The following MYO16 variants were observed in gnomAD, a reference collection of about 807,000 sequenced individuals.
MYO16 encodes the protein myosin XVI.
In MYO16, 94 loss-of-function variants were observed where a neutral mutation model predicts 205.3. That is an observed-to-expected ratio of 0.46 (90% CI 0.39 to 0.54). MYO16 has a LOEUF of 0.54. Ranked by LOEUF, MYO16 falls within the 20% of genes least tolerant of loss-of-function variation. The pLI is 0.00. For missense variants in MYO16, 2,315 were observed against 2,387.5 expected (o/e 0.97, Z 0.63); for synonymous variants, 988 against 954.0 (o/e 1.04, Z -0.66).
chr13:108,873,639 C>A (rs1879179658), intron 12 of MYO16, among the ~76,000 whole-genome samples: 1 of 129,554 alleles, frequency 7.7e-6, no homozygotes, highest in Non-Finnish European at 1.7e-5. Context: ...GCCAACCAAC[C>A]AGGACAGGGT....
intron 27 of MYO16, among the ~76,000 whole-genome samples, chr13:109,068,502 T>C (rs546134970): frequency 2.5e-5 from 3 of 119,122 alleles, no homozygotes; most frequent in African/African-American, 8.9e-5. Context: ...GGGTGATATT[T>C]AGTCTTTAAG....
chr13:108,748,042 C>A (rs1318202574), intron 4 of MYO16, among the ~76,000 whole-genome samples: 1 of 151,984 alleles, frequency 6.6e-6, no homozygotes, highest in Non-Finnish European at 1.5e-5. Flanking sequence ...CAGCCAACTG[C>A]AGCAAAACAC....
chr13:108,501,106 C>T, the MYO16 span, among the ~76,000 whole-genome samples: 3 of 152,196 alleles, frequency 2.0e-5, no homozygotes, highest in Non-Finnish European at 4.4e-5. Context: ...ATAGAGGTCC[C>T]TCTTCTGCTG....
At position 109,205,706 on chromosome 13, in the gene MYO16, C is replaced by T. The variant is rs190225599; in HGVS notation, c.5416-903C>T. Among the ~76,000 whole-genome samples the T allele has an allele frequency of 2.2e-4, 34 of 152,274 alleles. No homozygotes were observed. In the East Asian group the frequency reaches 6.6e-3, roughly 29 times the overall value. ...AGGGTGACCCCAGCTACATAGCCAG[C>T]TTGTCTTGTGCCCTAGCTGAAGTCA... On this transcript the variant is annotated intron_variant, in intron 34 of 34. Coordinates refer to ENST00000457511, the MANE Select transcript of MYO16 (RefSeq NM_001198950.3).
chr13:109,184,438 G>T (rs1039784042), intron 34 of MYO16, among the ~76,000 whole-genome samples: 3 of 152,126 alleles, frequency 2.0e-5, no homozygotes, highest in African/African-American at 7.2e-5. Flanking sequence ...CCTATATTTT[G>T]TATTTTTCCA....
intron 3 of MYO16, 88 bp from the exon 4 acceptor site, chr13:108,727,352 G>C: frequency 7.1e-7 from 1 of 1,408,742 alleles, no homozygotes; most frequent in African/African-American, 1.4e-5. Context: ...AATTGGTATT[G>C]AAGTTTTTTT....
chr13:108,586,473 A>C, the MYO16 span, among the ~76,000 whole-genome samples: 1 of 152,198 alleles, frequency 6.6e-6, no homozygotes, highest in African/African-American at 2.4e-5. Flanking sequence ...TATGCTAAGT[A>C]GTGTATCCAA....
At chr13:108,918,364 A>G (rs896465892) in intron 16 of MYO16, among the ~76,000 whole-genome samples, 3 of 152,322 alleles carry the variant, frequency 2.0e-5, no homozygotes, top group African/African-American at 4.8e-5. Flanking sequence ...AACTACCTTC[A>G]CTAAAATTTT....
At chr13:108,731,295 A>G (rs1285161344) in intron 4 of MYO16, among the ~76,000 whole-genome samples, 1 of 152,236 alleles carries the variant, frequency 6.6e-6, no homozygotes, top group African/African-American at 2.4e-5. Flanking sequence ...CTCAAGCTAC[A>G]TATATGAATC....
At chr13:109,110,619 C>A (rs1889257378) in intron 28 of MYO16, among the ~76,000 whole-genome samples, 1 of 152,192 alleles carries the variant, frequency 6.6e-6, no homozygotes, top group East Asian at 1.9e-4. Flanking sequence ...ATAAATGTAT[C>A]CTTTGAGAAC....
intron 16 of MYO16, among the ~76,000 whole-genome samples, chr13:108,939,079 G>A (rs1882613878): frequency 6.6e-6 from 1 of 152,260 alleles, no homozygotes; most frequent in South Asian, 2.1e-4. Context: ...CTCCAGAGCA[G>A]GCTCTCCAAT....
intron 33 of MYO16, among the ~76,000 whole-genome samples, chr13:109,169,065 A>C (rs1878819113): frequency 6.6e-6 from 1 of 151,998 alleles, no homozygotes; most frequent in Non-Finnish European, 1.5e-5. Flanking sequence ...ATTATTCCAC[A>C]CTCTGTGCCC....
chr13:108,560,102 G>A, the MYO16 span, among the ~76,000 whole-genome samples: 1 of 152,066 alleles, frequency 6.6e-6, no homozygotes. Flanking sequence ...TCAACAACAA[G>A]AATTAACCAG....
intron 34 of MYO16, among the ~76,000 whole-genome samples, chr13:109,198,579 A>G (rs1045647380): frequency 2.0e-5 from 3 of 152,218 alleles, no homozygotes; most frequent in Non-Finnish European, 4.4e-5. Context: ...ATAAAAGGCC[A>G]TAAATCGTGA....
At chr13:109,175,095 C>T (rs1879110131) in intron 33 of MYO16, among the ~76,000 whole-genome samples, 1 of 152,126 alleles carries the variant, frequency 6.6e-6, no homozygotes. Context: ...CCACTACGCT[C>T]TGCATGTAGA....
At chr13:108,796,568 C>A (rs1056895635) in intron 6 of MYO16, among the ~76,000 whole-genome samples, 8 of 152,054 alleles carry the variant, frequency 5.3e-5, no homozygotes, top group Non-Finnish European at 1.2e-4. Context: ...ACATGTACAC[C>A]ATGGAATACT....
At chr13:108,565,096 C>T in the MYO16 span, among the ~76,000 whole-genome samples, 1 of 152,142 alleles carries the variant, frequency 6.6e-6, no homozygotes, top group East Asian at 1.9e-4. Context: ...ATTACTCCAG[C>T]TTTATTCTTT....
chr13:108,951,687 T>G (rs1883154126), intron 16 of MYO16, among the ~76,000 whole-genome samples: 1 of 152,184 alleles, frequency 6.6e-6, no homozygotes, highest in Non-Finnish European at 1.5e-5. Context: ...ATGAACAGTA[T>G]ATAAATTAAT....
intron 7 of MYO16, among the ~76,000 whole-genome samples, chr13:108,808,884 A>C (rs1434622451): frequency 6.6e-6 from 1 of 152,190 alleles, no homozygotes; most frequent in Non-Finnish European, 1.5e-5. Context: ...TCTAATTGTC[A>C]CTTCTTTCAG....
Sources: allele counts gnomAD v4.1 joint callset (sites outside exome capture counted in the v4.1 genomes callset), GRCh38; gene constraint gnomAD v4.1.1; transcripts MANE v1.5; gene names NCBI Gene and HGNC (gene_info 2026-07-23, HGNC 2026-07-21).